The following CMSS1 variants were observed in gnomAD, a reference collection of about 807,000 sequenced individuals.
The protein encoded by CMSS1 is protein CMSS1.
Under a neutral mutation model 43.5 loss-of-function variants are expected in CMSS1, and 33 were observed. That is an observed-to-expected ratio of 0.76 (90% CI 0.57 to 1.01). The LOEUF (loss-of-function observed/expected upper bound fraction) is 1.01, where lower values mean the gene tolerates loss of function less well. CMSS1 is among the 50% of genes least tolerant of loss of function. The pLI is 0.00. For synonymous variants in CMSS1, 115 were observed against 117.2 expected, an observed-to-expected ratio of 0.98 and a Z score of 0.12; for missense variants, 313 against 326.4, an observed-to-expected ratio of 0.96 and a Z score of 0.32.
intron 1 of CMSS1, among the ~76,000 whole-genome samples, chr3:99,826,645 A>G (rs1026025599): frequency 9.9e-5 from 15 of 152,218 alleles, no homozygotes; most frequent in African/African-American, 3.6e-4. Flanking sequence ...TGTCTTCAGG[A>G]GAAGAAATTT....
At chr3:99,929,838 C>A in intron 1 of CMSS1, 2 of 1,596,320 alleles carry the variant, frequency 1.3e-6, no homozygotes, top group Non-Finnish European at 1.7e-6. Context: ...AGGTACACAC[C>A]CCTATTGTGG....
intron 1 of CMSS1, among the ~76,000 whole-genome samples, chr3:99,951,853 A>C (rs1209771333): frequency 6.6e-6 from 1 of 152,198 alleles, no homozygotes; most frequent in African/African-American, 2.4e-5. Context: ...AATGATATAC[A>C]TGTGAATGGC....
rs568021962 is a variant in CMSS1, at chr3:100,181,167, A to G, written c.*2779A>G. The G allele has an allele frequency of 4.4e-4, 67 of 152,378 alleles. No homozygotes were observed. The highest frequency in any genetic ancestry group is 1.5e-3 in the African/African-American group (62 of 41,594). 9.4% of individuals were successfully genotyped at this position (152,378 alleles called of 1,614,324 possible). ...CCAACACTGGGAATTACAATTCGAC[A>G]TGAAACTTGGGTGGGGACACAGCCA... is the stretch of plus-strand genomic sequence containing the variant. On this transcript the variant is annotated 3_prime_UTR_variant, in exon 10 of 10. Coordinates refer to ENST00000421999, the MANE Select transcript of CMSS1 (RefSeq NM_032359.4).
intron 1 of CMSS1, among the ~76,000 whole-genome samples, chr3:100,097,165 G>A (rs918421896): frequency 6.6e-6 from 1 of 152,172 alleles, no homozygotes; most frequent in African/African-American, 2.4e-5. Context: ...ACATGCGAGA[G>A]ATCTAGGTTA....
chr3:100,147,322 G>A (rs986074299), intron 2 of CMSS1, among the ~76,000 whole-genome samples: 5 of 122,650 alleles, frequency 4.1e-5, no homozygotes, highest in African/African-American at 9.6e-5. Context: ...CCAGGCTGTA[G>A]TACAGTGGCA....
At chr3:99,993,769 A>G (rs1169377749) in intron 1 of CMSS1, among the ~76,000 whole-genome samples, 1 of 152,196 alleles carries the variant, frequency 6.6e-6, no homozygotes, top group East Asian at 1.9e-4. Context: ...GATGTGACAT[A>G]TCATGTTTAT....
chr3:99,932,936 G>A (rs1373140601), intron 1 of CMSS1, among the ~76,000 whole-genome samples: 1 of 152,134 alleles, frequency 6.6e-6, no homozygotes, highest in East Asian at 1.9e-4. Context: ...GACCTGATCT[G>A]GAAGTGAGGG....
intron 1 of CMSS1, among the ~76,000 whole-genome samples, chr3:100,022,740 A>G (rs2064848068): frequency 6.6e-6 from 1 of 152,042 alleles, no homozygotes; most frequent in African/African-American, 2.4e-5. Context: ...TGTTTCCATC[A>G]TTTGTTCCCA....
intron 1 of CMSS1, among the ~76,000 whole-genome samples, chr3:99,882,738 T>C (rs925871348): frequency 6.6e-6 from 1 of 152,210 alleles, no homozygotes; most frequent in Non-Finnish European, 1.5e-5. Flanking sequence ...GTGTGATTAG[T>C]ATCTGAAATC....
chr3:99,869,138 C>T (rs1046379261), intron 1 of CMSS1, among the ~76,000 whole-genome samples: 2 of 152,118 alleles, frequency 1.3e-5, no homozygotes, highest in African/African-American at 2.4e-5. Context: ...AGTTTTGTTC[C>T]TCTTGTTCTT....
intron 2 of CMSS1, among the ~76,000 whole-genome samples, chr3:100,148,072 T>C (rs2066869274): frequency 6.6e-6 from 1 of 152,132 alleles, no homozygotes; most frequent in African/African-American, 2.4e-5. Context: ...ATCTATGTGA[T>C]TTGGGGTTTT....
At chr3:99,924,295 T>C (rs1707218270) in intron 1 of CMSS1, 1 of 1,613,976 alleles carries the variant, frequency 6.2e-7, no homozygotes, top group African/African-American at 1.3e-5. Flanking sequence ...CTTTATGTTT[T>C]CTCTTTTCTT....
At chr3:99,983,397 T>TATAA in intron 1 of CMSS1, among the ~76,000 whole-genome samples, 1 of 107,580 alleles carries the variant, frequency 9.3e-6, no homozygotes, top group African/African-American at 4.1e-5. Context: ...TAAATATATA[T>TATAA]ATATATATAT....
chr3:100,074,717 G>A (rs186598603), intron 1 of CMSS1, among the ~76,000 whole-genome samples: 871 of 22,282 alleles, frequency 0.039, 25 homozygotes, highest in African/African-American at 0.11. Context: ...TTTTTGAGAC[G>A]AAGTCTCACT....
At chr3:99,876,051 A>C (rs1352976586) in intron 1 of CMSS1, 1 of 985,608 alleles carries the variant, frequency 1.0e-6, no homozygotes, top group African/African-American at 1.7e-5. Context: ...TGGTGGAGCG[A>C]AGTTGCTCTC....
rs527523023 is a variant in CMSS1, at chr3:99,908,872, T to TTG, written c.64+90845_64+90846dup. Among the ~76,000 whole-genome samples, 448 of 151,216 alleles carry TTG rather than the reference T, an allele frequency of 3.0e-3. 1 individual carries two copies. Among genetic ancestry groups the TTG allele is most frequent in the Non-Finnish European group, 4.5e-3 (305 of 67,666 alleles). On this transcript the variant is annotated intron_variant, in intron 1 of 9. Transcript: ENST00000421999. ...TACCATCTACAAAAAAAAATTCCTATTGTGTGTGTGTGTGTGTTCTTTCTT... is the reference window on the plus strand; with the variant it reads ...TACCATCTACAAAAAAAAATTCCTATTGTGTGTGTGTGTGTGTGTTCTTTCTT...
Position 99,974,631 on chromosome 3 carries a change from C to T in CMSS1, c.64+156588C>T, listed in dbSNP as rs529309235. 2.6e-5 allele frequency among the ~76,000 whole-genome samples: 4 copies of T among 152,142 alleles called. No homozygotes were observed. The South Asian group carries it at 8.3e-4, about 32-fold the overall frequency. Reference sequence around the variant, plus strand: ...CTGAGGCAGGAGAATCACTTGAACCCAGGAGGCGGAGGTTGTGATGAGCCA... The same window carrying T: ...CTGAGGCAGGAGAATCACTTGAACCTAGGAGGCGGAGGTTGTGATGAGCCA... On this transcript the variant is annotated intron_variant, in intron 1 of 9. Coordinates refer to ENST00000421999, the MANE Select transcript of CMSS1 (RefSeq NM_032359.4).
chr3:99,958,377 G>A (rs1708398860), intron 1 of CMSS1, among the ~76,000 whole-genome samples: 1 of 151,778 alleles, frequency 6.6e-6, no homozygotes, highest in Non-Finnish European at 1.5e-5. Flanking sequence ...AGAGAACTAG[G>A]GCCTGTTAAT....
chr3:100,078,303 T>C (rs1350724575), intron 1 of CMSS1, among the ~76,000 whole-genome samples: 2 of 152,188 alleles, frequency 1.3e-5, no homozygotes, highest in Admixed American at 6.5e-5. Context: ...AGCCAATAAT[T>C]GATAAATCCA....
Sources: gnomAD v4.1 joint callset for allele counts (sites outside exome capture counted in the v4.1 genomes callset) on GRCh38, gnomAD v4.1.1 for gene constraint, MANE v1.5 for transcripts, NCBI Gene and HGNC (gene_info 2026-07-23, HGNC 2026-07-21) for gene names.